The following PEX7 variants were observed in gnomAD, a reference collection of about 807,000 sequenced individuals.
The protein encoded by PEX7 is PTS2 receptor.
Under a neutral mutation model 47.5 loss-of-function variants are expected in PEX7, and 34 were observed. The observed-to-expected ratio is 0.72, with a 90% CI of 0.54 to 0.95. The LOEUF is 0.95. Among genes scored for constraint, PEX7 ranks in the 40% least tolerant of loss-of-function variants. PEX7 has a pLI of 0.00. For synonymous variants in PEX7, 141 were observed against 148.8 expected, an observed-to-expected ratio of 0.95 and a Z score of 0.38; for missense variants, 394 against 400.3, an observed-to-expected ratio of 0.98 and a Z score of 0.13.
chr6:136,897,554 T>C (rs9321582), intron 8 of PEX7, among the ~76,000 whole-genome samples: 62,058 of 151,952 alleles, frequency 0.41, 13,495 homozygotes, highest in South Asian at 0.52. Flanking sequence ...AGGAATTATA[T>C]TGATGTGGAA....
At chr6:136,885,595 T>C (rs1410340934) in intron 8 of PEX7, among the ~76,000 whole-genome samples, 1 of 152,198 alleles carries the variant, frequency 6.6e-6, no homozygotes, top group Non-Finnish European at 1.5e-5. Flanking sequence ...TTACAGAATG[T>C]CTGTTATCTG....
chr6:136,846,329 T>C (rs987841779), intron 5 of PEX7, 148 bp downstream of exon 5: 30 of 436,254 alleles, frequency 6.9e-5, no homozygotes, highest in Non-Finnish European at 1.1e-4. Context: ...TACTTCTTTT[T>C]TTATTTTTAT....
intron 8 of PEX7, among the ~76,000 whole-genome samples, chr6:136,896,050 G>A (rs940800359): frequency 6.6e-6 from 1 of 152,114 alleles, no homozygotes; most frequent in East Asian, 1.9e-4. Context: ...GCTGAAGTTG[G>A]ATAGCTGCAC....
At chr6:136,866,129 C>CT (rs934417012) in intron 5 of PEX7, among the ~76,000 whole-genome samples, 26 of 148,014 alleles carry the variant, frequency 1.8e-4, no homozygotes, top group Admixed American at 6.1e-4. Flanking sequence ...AATTTTTTAG[C>CT]TTTTTTTTTT....
At chr6:136,866,943 G>A (rs1775082921) in intron 6 of PEX7, among the ~76,000 whole-genome samples, 1 of 152,180 alleles carries the variant, frequency 6.6e-6, no homozygotes, top group Non-Finnish European at 1.5e-5. Context: ...ATAAGAAACA[G>A]AAATTCTCAA....
At chr6:136,888,735 T>A (rs183051566) in intron 8 of PEX7, among the ~76,000 whole-genome samples, 227 of 152,278 alleles carry the variant, frequency 1.5e-3, no homozygotes, top group Non-Finnish European at 2.7e-3. Context: ...TGAATTTGAA[T>A]TAAATGAAAA....
chr6:136,835,511 A>G (rs1288603728), intron 3 of PEX7, among the ~76,000 whole-genome samples: 1 of 151,020 alleles, frequency 6.6e-6, no homozygotes, highest in African/African-American at 2.4e-5. Flanking sequence ...CTGGTCTCGA[A>G]CTCCTGACCT....
At chr6:136,860,447 T>G (rs1774938580) in intron 5 of PEX7, among the ~76,000 whole-genome samples, 1 of 137,100 alleles carries the variant, frequency 7.3e-6, no homozygotes. Context: ...TGCATGAAAG[T>G]GGTGGTGTGA....
At chr6:136,893,814 T>TA (rs1775598236) in intron 8 of PEX7, among the ~76,000 whole-genome samples, 1 of 152,204 alleles carries the variant, frequency 6.6e-6, no homozygotes. Context: ...CCCTTTCTCA[T>TA]AGTAAGGAAA....
At chr6:136,898,872 A>ATGTTGAG (rs1415811850) in intron 9 of PEX7, among the ~76,000 whole-genome samples, 1 of 152,048 alleles carries the variant, frequency 6.6e-6, no homozygotes, top group Non-Finnish European at 1.5e-5. Flanking sequence ...ACACTACAAT[A>ATGTTGAG]TGTTGAGTGA....
At chr6:136,896,131 T>C (rs1775646300) in intron 8 of PEX7, among the ~76,000 whole-genome samples, 1 of 152,212 alleles carries the variant, frequency 6.6e-6, no homozygotes, top group African/African-American at 2.4e-5. Flanking sequence ...AGCTTTGTCC[T>C]AAGCTGGCTC....
At chr6:136,863,096 A>G (rs1774995398) in intron 5 of PEX7, among the ~76,000 whole-genome samples, 1 of 152,212 alleles carries the variant, frequency 6.6e-6, no homozygotes, top group African/African-American at 2.4e-5. Context: ...TTGAAGCTCT[A>G]ACCTGTACCA....
chr6:136,853,308 C>T (rs1016425250), intron 5 of PEX7, among the ~76,000 whole-genome samples: 18 of 152,142 alleles, frequency 1.2e-4, no homozygotes, highest in African/African-American at 4.3e-4. Context: ...TGGCATAAAT[C>T]CTCAAGGAGA....
intron 9 of PEX7, among the ~76,000 whole-genome samples, chr6:136,909,814 C>T (rs2115294094): frequency 6.6e-6 from 1 of 152,056 alleles, no homozygotes; most frequent in South Asian, 2.1e-4. Flanking sequence ...ATTATAAGTC[C>T]TGAATAAATA....
intron 5 of PEX7, among the ~76,000 whole-genome samples, chr6:136,856,749 A>G (rs1014424497): frequency 2.0e-5 from 3 of 152,162 alleles, no homozygotes; most frequent in African/African-American, 7.2e-5. Flanking sequence ...GTGAATCCAG[A>G]TTAGGTGAAT....
chr6:136,826,605 T>C, intron 3 of PEX7, 136 bp downstream of exon 3: 1 of 1,000,540 alleles, frequency 1.0e-6, no homozygotes, highest in Non-Finnish European at 1.5e-6. Flanking sequence ...ATACTAGATG[T>C]CACTTATTAT....
chr6:136,883,245 T>G (rs1320168898), intron 8 of PEX7, among the ~76,000 whole-genome samples: 1 of 152,206 alleles, frequency 6.6e-6, no homozygotes, highest in Non-Finnish European at 1.5e-5. Flanking sequence ...TAAGTTTAAT[T>G]TAAATGTTCA....
chr6:136,901,075 AG>A, intron 9 of PEX7: 1 of 179,608 alleles, frequency 5.6e-6, no homozygotes, highest in Non-Finnish European at 1.2e-5. Context: ...TTTACTCAAC[AG>A]GGGATTCACC....
intron 3 of PEX7, among the ~76,000 whole-genome samples, chr6:136,834,649 T>C (rs914700950): frequency 6.6e-6 from 1 of 152,186 alleles, no homozygotes; most frequent in Non-Finnish European, 1.5e-5. Flanking sequence ...GATGGTGTAA[T>C]GGAGGTGGGT....
Sources: allele counts gnomAD v4.1 joint callset (sites outside exome capture counted in the v4.1 genomes callset), GRCh38; gene constraint gnomAD v4.1.1; transcripts MANE v1.5; gene names NCBI Gene and HGNC (gene_info 2026-07-23, HGNC 2026-07-21).